The following DOCK4 variants were observed in gnomAD, a reference collection of about 807,000 sequenced individuals.
The protein encoded by DOCK4 is dedicator of cytokinesis 4.
Under a neutral mutation model 268.1 loss-of-function variants are expected in DOCK4, and 97 were observed. The ratio of observed to expected loss-of-function variants is 0.36; its 90% CI spans 0.31 to 0.43. The LOEUF (loss-of-function observed/expected upper bound fraction) is 0.43. Ranked by LOEUF, DOCK4 falls within the 20% of genes least tolerant of loss-of-function variation. DOCK4 has a pLI of 1.00. For synonymous variants in DOCK4, 954 were observed against 887.2 expected (o/e 1.08, Z -1.34); for missense variants, 2,145 against 2,455.7 (o/e 0.87, Z 2.67).
At chr7:112,003,918 G>A (rs1463760849) in intron 2 of DOCK4, 130 bp downstream of exon 2, 1 of 575,010 alleles carries the variant, frequency 1.7e-6, no homozygotes, top group East Asian at 3.2e-5. Context: ...GAAAATGCAG[G>A]AAACAATTTT....
chr7:111,948,360 A>T (rs1362199048), intron 8 of DOCK4, among the ~76,000 whole-genome samples: 1 of 152,200 alleles, frequency 6.6e-6, no homozygotes, highest in African/African-American at 2.4e-5. Context: ...CTATAAGGTA[A>T]CTTTCTCTTC....
At chr7:111,937,108 AAAAC>A (rs149708258) in intron 11 of DOCK4, among the ~76,000 whole-genome samples, 20,451 of 152,002 alleles carry the variant, frequency 0.13, 2,053 homozygotes, top group East Asian at 0.35. Flanking sequence ...CTCAAAACTC[AAAAC>A]AAACAAACAA....
chr7:111,998,609 T>A, intron 3 of DOCK4, 106 bp from the exon 4 acceptor site: 1 of 703,164 alleles, frequency 1.4e-6, no homozygotes, highest in Non-Finnish European at 2.2e-6. Flanking sequence ...ACATCAGGAA[T>A]AGGGAAAAGC....
chr7:111,861,178 T>A (rs1478357267), intron 23 of DOCK4, among the ~76,000 whole-genome samples: 3 of 152,160 alleles, frequency 2.0e-5, no homozygotes, highest in African/African-American at 7.2e-5. Flanking sequence ...CCTGAGTCAC[T>A]GCACAGAACC....
At position 111,800,443 on chromosome 7, in the gene DOCK4, C is replaced by T. The variant is rs142289830; in HGVS notation, c.3166+8378G>A. Among the ~76,000 whole-genome samples, 57 of 152,222 alleles carry T rather than the reference C, an allele frequency of 3.7e-4. 1 individual carries two copies. The highest frequency in any genetic ancestry group is 6.8e-3 in the Middle Eastern group (2 of 294). On this transcript the variant is annotated intron_variant, in intron 30 of 52. Coordinates refer to ENST00000428084, the MANE Select transcript of DOCK4 (RefSeq NM_001363540.2). ...TAAGCCTAAAATTCCTCTCTAATGG[C>T]AAGTCAAGGGGGAAATATATGCTTT...
chr7:112,018,201 G>A (rs1409067095), intron 1 of DOCK4, among the ~76,000 whole-genome samples: 5 of 131,538 alleles, frequency 3.8e-5, no homozygotes, highest in African/African-American at 1.4e-4. Context: ...CAGTATTCAT[G>A]TGGCTTATGT....
intron 15 of DOCK4, 102 bp from the exon 16 acceptor site, chr7:111,895,820 T>G: frequency 9.5e-7 from 1 of 1,050,758 alleles, no homozygotes; most frequent in Non-Finnish European, 1.5e-6. Context: ...TACACAACAG[T>G]TCCCACTACA....
Position 111,915,871 on chromosome 7 carries a change from T to A in DOCK4, c.1100A>T (p.Asp367Val). The A allele has an allele frequency of 1.9e-6, 3 of 1,612,458 alleles. No homozygotes were observed. Among genetic ancestry groups the A allele is most frequent in the Non-Finnish European group, 2.5e-6 (3 of 1,179,262 alleles). ...LAVSLQLLHG[D>V]IEQIRREYSS... ...ATATTCCCTTCTGATTTGTTCAATG[T>A]CTCCGTGCAATAGCTGTAAGGAAAC... The change falls in exon 13 of 53, where the codon GAC (aspartate) becomes GTC (valine). Residue 367 changes from aspartate (D) to valine (V), a missense_variant. Physicochemically the swap from Asp to Val is radical, Grantham distance 152 (BLOSUM62 -3). Coordinates refer to ENST00000428084, the MANE Select transcript of DOCK4 (RefSeq NM_001363540.2).
chr7:112,107,122 G>A (rs1479657544), intron 1 of DOCK4, among the ~76,000 whole-genome samples: 3 of 152,174 alleles, frequency 2.0e-5, no homozygotes, highest in African/African-American at 4.8e-5. Context: ...AAGCCCATCT[G>A]TATAAGGCTC....
chr7:111,902,156 C>A (rs773859280), intron 13 of DOCK4, among the ~76,000 whole-genome samples: 15 of 152,106 alleles, frequency 9.9e-5, no homozygotes, highest in Non-Finnish European at 2.2e-4. Context: ...TCAGAGAAAC[C>A]AGTCTTATTA....
At chr7:112,020,480 G>GA (rs1481277818) in intron 1 of DOCK4, among the ~76,000 whole-genome samples, 4 of 152,018 alleles carry the variant, frequency 2.6e-5, no homozygotes, top group Non-Finnish European at 5.9e-5. Flanking sequence ...AGCTTATCCC[G>GA]ACTGGTCTCG....
chr7:111,743,429 A>C (rs1054828863), intron 44 of DOCK4, among the ~76,000 whole-genome samples: 1 of 152,202 alleles, frequency 6.6e-6, no homozygotes, highest in African/African-American at 2.4e-5. Context: ...CACTGCCAGC[A>C]TATTTGCATA....
chr7:112,115,644 TCCATCCAC>T lies in DOCK4; in HGVS notation c.37+90450_37+90457del, dbSNP rs766041573. On this transcript the variant is annotated intron_variant, in intron 1 of 52. Transcript: ENST00000428084. ...ATCAATCCACCCATTCATCCATCCA[TCCATCCAC>T]CCATCCATCCATCCATCCATCATCT... 8.6e-3 allele frequency among the ~76,000 whole-genome samples: 1,310 copies of T among 151,488 alleles called. 7 individuals are homozygous for T. The highest frequency in any genetic ancestry group is 0.013 in the Non-Finnish European group (912 of 67,868).
intron 8 of DOCK4, among the ~76,000 whole-genome samples, chr7:111,961,535 G>T (rs1458641637): frequency 6.6e-6 from 1 of 152,300 alleles, no homozygotes; most frequent in Non-Finnish European, 1.5e-5. Flanking sequence ...AGAATTTCCA[G>T]GAAGGTGGCA....
intron 25 of DOCK4, among the ~76,000 whole-genome samples, chr7:111,841,246 C>A (rs1380606371): frequency 2.6e-5 from 4 of 152,044 alleles, no homozygotes; most frequent in Non-Finnish European, 5.9e-5. Flanking sequence ...CTCACTGCAA[C>A]CTCCATCTCC....
intron 1 of DOCK4, among the ~76,000 whole-genome samples, chr7:112,189,746 G>GTTTTTTTTTTTTT (rs57399750): frequency 1.0e-5 from 1 of 95,776 alleles, no homozygotes; most frequent in Non-Finnish European, 1.9e-5. Context: ...TCTGGGTTTT[G>GTTTTTTTTTTTTT]TTTTTTTTTT....
At chr7:111,852,453 C>A (rs1188696563) in intron 23 of DOCK4, among the ~76,000 whole-genome samples, 1 of 149,880 alleles carries the variant, frequency 6.7e-6, no homozygotes, top group Non-Finnish European at 1.5e-5. Flanking sequence ...TAAGCCTCAC[C>A]AGGGAACTTA....
Position 112,091,564 on chromosome 7 carries a change from A to T in DOCK4, c.38-87433T>A, listed in dbSNP as rs372154541. On this transcript the variant is annotated intron_variant, in intron 1 of 52. Coordinates refer to ENST00000428084, the MANE Select transcript of DOCK4 (RefSeq NM_001363540.2). ...CTGGGACATTTCCAATAGAGACCAT[A>T]TCACATTGATGAATGGTTATAATTT... 2.6e-5 allele frequency among the ~76,000 whole-genome samples: 4 copies of T among 152,194 alleles called. No individual in the cohort carries two copies. In the East Asian group the frequency reaches 7.7e-4, roughly 29 times the overall value.
intron 1 of DOCK4, among the ~76,000 whole-genome samples, chr7:112,036,260 A>G (rs1341274165): frequency 3.3e-5 from 5 of 152,194 alleles, no homozygotes; most frequent in African/African-American, 1.2e-4. Flanking sequence ...AAATTTGGAT[A>G]AACAAGAAAT....
Sources: allele counts gnomAD v4.1 joint callset (sites outside exome capture counted in the v4.1 genomes callset), GRCh38; gene constraint gnomAD v4.1.1; transcripts MANE v1.5; gene names NCBI Gene and HGNC (gene_info 2026-07-23, HGNC 2026-07-21).